The following WNK3 variants were observed in gnomAD, a reference collection of about 807,000 sequenced individuals.
The protein encoded by WNK3 is serine/threonine-protein kinase WNK3.
Under a neutral mutation model 116.7 loss-of-function variants are expected in WNK3, and 18 were observed. The ratio of observed to expected loss-of-function variants is 0.15; its 90% confidence interval spans 0.11 to 0.23. The LOEUF is 0.23. Among genes scored for constraint, WNK3 ranks in the 10% least tolerant of loss-of-function variants. The probability of loss-of-function intolerance (pLI) is 1.00; values close to 1 mark genes in which losing one functional copy is unlikely to be tolerated. For missense variants in WNK3, 993 were observed against 1,323.8 expected, an observed-to-expected ratio of 0.75 and a Z score of 3.88; for synonymous variants, 404 against 469.4, an observed-to-expected ratio of 0.86 and a Z score of 1.80.
rs782465394 is a variant in WNK3 at position 54,252,694 on chromosome X, G to A, written c.2368-1007C>T. Among the ~76,000 whole-genome samples the A allele has an allele frequency of 3.7e-5, 4 of 108,571 alleles. No homozygotes were observed. In the South Asian group the frequency reaches 1.2e-3, roughly 32 times the overall value. 94.3% of individuals were successfully genotyped at this position (108,571 alleles called of 115,157 possible). ...CAAAAAAAAAAAAAAAAAATAGCTC[G>A]GAAGACCACTAATTAGGTTAAACAT... On this transcript the variant is annotated intron_variant, in intron 13 of 23. Transcript: ENST00000354646.
chrX:54,350,401 C>G (rs1374547821), intron 1 of WNK3, among the ~76,000 whole-genome samples: 1 of 106,523 alleles, frequency 9.4e-6, no homozygotes, highest in Non-Finnish European at 1.9e-5. Context: ...CAGAATGAGA[C>G]TCTGTCTCAA....
chrX:54,293,212 G>A (rs782382951), exon 9 of WNK3: 2 of 1,211,013 alleles, frequency 1.7e-6, no homozygotes, highest in Non-Finnish European at 2.2e-6. Context: ...CAGCCTGCGG[G>A]ATATTAGAAA....
At chrX:54,318,032 T>C (rs2068982738) in intron 2 of WNK3, among the ~76,000 whole-genome samples, 1 of 110,462 alleles carries the variant, frequency 9.1e-6, no homozygotes, top group Non-Finnish European at 1.9e-5. Flanking sequence ...GATGTAAATA[T>C]ACTTAATGCC....
At chrX:54,307,486 T>C (rs2068839168) in intron 5 of WNK3, among the ~76,000 whole-genome samples, 1 of 111,611 alleles carries the variant, frequency 9.0e-6, no homozygotes, top group African/African-American at 3.3e-5. Flanking sequence ...TTCTTACTCA[T>C]GTTTGCATTC....
chrX:54,340,622 A>G (rs956877845), intron 1 of WNK3, among the ~76,000 whole-genome samples: 6 of 111,311 alleles, frequency 5.4e-5, no homozygotes, highest in African/African-American at 9.8e-5. Context: ...AAATAAAAAA[A>G]AAAAAGAACC....
At chrX:54,213,944 G>A (rs1221065334) in intron 22 of WNK3, among the ~76,000 whole-genome samples, 7 of 110,429 alleles carry the variant, frequency 6.3e-5, no homozygotes, top group African/African-American at 2.3e-4. Flanking sequence ...AAATAATCCT[G>A]TAACTACTAT....
At chrX:54,251,721 T>C (rs782678926) in intron 13 of WNK3, 34 bp from the exon 14 acceptor site, 1 of 1,165,581 alleles carries the variant, frequency 8.6e-7, no homozygotes, top group African/African-American at 1.8e-5. Flanking sequence ...TGAGAATGAA[T>C]TCAGTTTCTT....
chrX:54,320,974 G>A (rs1033164333), intron 2 of WNK3, among the ~76,000 whole-genome samples: 14 of 109,998 alleles, frequency 1.3e-4, no homozygotes, highest in African/African-American at 4.6e-4. Context: ...TGGGCTCACC[G>A]CAACCTCCAC....
At chrX:54,255,998 A>G in intron 11 of WNK3, 111 bp from the exon 12 acceptor site, 1 of 642,609 alleles carries the variant, frequency 1.6e-6, no homozygotes, top group Non-Finnish European at 2.3e-6. Context: ...TTAATACTAC[A>G]ATCTTTTTAA....
chrX:54,295,204 C>T (rs781898778), intron 7 of WNK3, among the ~76,000 whole-genome samples: 3 of 102,269 alleles, frequency 2.9e-5, no homozygotes, highest in African/African-American at 1.1e-4. Context: ...CCAATTTTAA[C>T]TTTTTTTTTT....
At chrX:54,270,399 CTTTT>C (rs781794140) in intron 10 of WNK3, among the ~76,000 whole-genome samples, 1 of 92,765 alleles carries the variant, frequency 1.1e-5, no homozygotes, top group Non-Finnish European at 2.2e-5. Context: ...CGCCCGGCCT[CTTTT>C]TTTTTTTTTT....
At chrX:54,349,081 A>C (rs2069477121) in intron 1 of WNK3, among the ~76,000 whole-genome samples, 1 of 112,489 alleles carries the variant, frequency 8.9e-6, no homozygotes, top group South Asian at 3.7e-4. Flanking sequence ...CATGCCTGTA[A>C]TCCCAGCACG....
intron 22 of WNK3, among the ~76,000 whole-genome samples, chrX:54,204,633 C>T (rs1557142319): frequency 8.9e-6 from 1 of 112,268 alleles, no homozygotes; most frequent in Admixed American, 9.5e-5. Flanking sequence ...ATCATTTCTT[C>T]TTGTTATCCC....
exon 17 of WNK3, chrX:54,249,597 G>A (rs1569536631): frequency 8.3e-7 from 1 of 1,210,333 alleles, no homozygotes; most frequent in Non-Finnish European, 1.1e-6. Flanking sequence ...TGAGCAATGT[G>A]TCCCGTGATA....
intron 2 of WNK3, among the ~76,000 whole-genome samples, chrX:54,326,708 G>A (rs1417024695): frequency 1.8e-5 from 2 of 110,905 alleles, no homozygotes; most frequent in Admixed American, 9.7e-5. Context: ...AATTATAGCC[G>A]GGTGCAGTGG....
intron 20 of WNK3, among the ~76,000 whole-genome samples, chrX:54,233,867 G>A (rs897530394): frequency 9.4e-6 from 1 of 106,354 alleles, no homozygotes; most frequent in Admixed American, 1.0e-4. Flanking sequence ...TGTAGTACAA[G>A]CATCTCGGGA....
chrX:54,203,227 T>C (rs2067518950), intron 22 of WNK3, among the ~76,000 whole-genome samples: 1 of 112,029 alleles, frequency 8.9e-6, no homozygotes, highest in Non-Finnish European at 1.9e-5. Context: ...AAGTATACTT[T>C]CCTAATCTGA....
chrX:54,313,871 T>C (rs1185832381), intron 2 of WNK3, among the ~76,000 whole-genome samples: 1 of 111,054 alleles, frequency 9.0e-6, no homozygotes, highest in African/African-American at 3.3e-5. Flanking sequence ...CAACCTTGTT[T>C]TCCTCCTTTT....
At chrX:54,226,241 G>A (rs1421361012) in intron 22 of WNK3, among the ~76,000 whole-genome samples, 7 of 110,081 alleles carry the variant, frequency 6.4e-5, no homozygotes, top group African/African-American at 9.9e-5. Context: ...AGGCCGAAGC[G>A]GGTGGAACAC....
Sources: gnomAD v4.1 joint callset for allele counts (sites outside exome capture counted in the v4.1 genomes callset) on GRCh38, gnomAD v4.1.1 for gene constraint, MANE v1.5 for transcripts, NCBI Gene and HGNC (gene_info 2026-07-23, HGNC 2026-07-21) for gene names.